The following PTPRD variants were observed in gnomAD, a reference collection of about 807,000 sequenced individuals.
PTPRD encodes receptor-type tyrosine-protein phosphatase delta.
A neutral mutation model predicts 214.5 loss-of-function variants in PTPRD; 34 were observed. The observed-to-expected ratio is 0.16, with a 90% confidence interval of 0.12 to 0.21. PTPRD has a LOEUF of 0.21. Ranked by LOEUF, PTPRD falls within the 10% of genes least tolerant of loss-of-function variation. PTPRD has a pLI of 1.00. For missense variants in PTPRD, 2,545 were observed against 2,398.7 expected (o/e 1.06, Z -1.27); for synonymous variants, 1,128 against 845.7 (o/e 1.33, Z -5.79).
chr9:10,041,066 CAT>C (rs1026223136), intron 3 of PTPRD, among the ~76,000 whole-genome samples: 2 of 151,922 alleles, frequency 1.3e-5, no homozygotes, highest in African/African-American at 4.8e-5. Flanking sequence ...AATGTAAAAA[CAT>C]AATTTTTCAT....
At chr9:8,618,434 C>G (rs73423262) in intron 14 of PTPRD, among the ~76,000 whole-genome samples, 298 of 152,082 alleles carry the variant, frequency 2.0e-3, no homozygotes, top group African/African-American at 7.0e-3. Flanking sequence ...TTCATGAAAA[C>G]ATATTGTGTA....
chr9:8,740,378 A>C (rs758090532), intron 11 of PTPRD, among the ~76,000 whole-genome samples: 7 of 152,208 alleles, frequency 4.6e-5, no homozygotes, highest in Non-Finnish European at 1.0e-4. Flanking sequence ...GCATACTTCT[A>C]AACATCCTCA....
chr9:9,841,715 T>A (rs895729477), intron 5 of PTPRD, among the ~76,000 whole-genome samples: 1 of 152,130 alleles, frequency 6.6e-6, no homozygotes, highest in Non-Finnish European at 1.5e-5. Flanking sequence ...CTGACTTTCC[T>A]GAATCTTACC....
intron 11 of PTPRD, chr9:8,858,037 T>A (rs1296228221): frequency 1.3e-5 from 2 of 154,884 alleles, no homozygotes; most frequent in East Asian, 2.0e-4. Context: ...CCGCTCCTCC[T>A]GCTCGCCCTG....
intron 3 of PTPRD, among the ~76,000 whole-genome samples, chr9:10,261,268 C>T (rs568077636): frequency 4.9e-4 from 75 of 151,632 alleles, no homozygotes; most frequent in Non-Finnish European, 8.0e-4. Context: ...TTAGAATTCA[C>T]GTGACACATG....
chr9:10,015,024 A>G (rs1177484390), intron 4 of PTPRD, among the ~76,000 whole-genome samples: 1 of 152,126 alleles, frequency 6.6e-6, no homozygotes, highest in Non-Finnish European at 1.5e-5. Flanking sequence ...TAGTTCTATT[A>G]TGGGTAATCC....
At chr9:8,669,736 G>A (rs1014910177) in intron 12 of PTPRD, among the ~76,000 whole-genome samples, 1 of 152,170 alleles carries the variant, frequency 6.6e-6, no homozygotes, top group African/African-American at 2.4e-5. Flanking sequence ...TCCAGGAAAA[G>A]TAGGCTGGAG....
intron 11 of PTPRD, among the ~76,000 whole-genome samples, chr9:8,894,642 T>G (rs180909534): frequency 6.6e-6 from 1 of 152,174 alleles, no homozygotes; most frequent in Non-Finnish European, 1.5e-5. Flanking sequence ...GTCATTAAAC[T>G]GTACACTTAG....
In PTPRD at chr9:8,362,714, CT is replaced by C. The variant is rs2078818476; in HGVS notation, c.4661+13221del. On this transcript the variant is annotated intron_variant, in intron 39 of 45. Coordinates refer to ENST00000381196, the MANE Select transcript of PTPRD (RefSeq NM_002839.4). ...CAGAGTAAACAAGCATTTAATCTATCTGATTTTATCCAGTTTTCCTCTGAGA... is the reference window on the plus strand; with the variant it reads ...CAGAGTAAACAAGCATTTAATCTATCGATTTTATCCAGTTTTCCTCTGAGA... Among the ~76,000 whole-genome samples, 3 of 152,326 alleles carry C rather than the reference CT, an allele frequency of 2.0e-5. No individual in the cohort carries two copies. In the South Asian group the frequency reaches 6.2e-4, roughly 32 times the overall value.
At chr9:9,241,157 TGA>T (rs1332582293) in intron 9 of PTPRD, among the ~76,000 whole-genome samples, 1 of 152,212 alleles carries the variant, frequency 6.6e-6, no homozygotes, top group East Asian at 1.9e-4. Flanking sequence ...ATTACTTATT[TGA>T]AATTTTGCTG....
At chr9:10,204,757 AT>A in intron 3 of PTPRD, among the ~76,000 whole-genome samples, 1 of 152,270 alleles carries the variant, frequency 6.6e-6, no homozygotes, top group East Asian at 1.9e-4. Context: ...CAAAATTAAT[AT>A]CTAATACATG....
intron 7 of PTPRD, among the ~76,000 whole-genome samples, chr9:9,603,303 A>G (rs555362835): frequency 1.3e-5 from 2 of 152,214 alleles, no homozygotes; most frequent in Admixed American, 1.3e-4. Context: ...AGTCAGACAC[A>G]TGGTCAAAAA....
chr9:8,330,413 C>CT (rs1381409679), intron 44 of PTPRD, among the ~76,000 whole-genome samples: 10 of 152,122 alleles, frequency 6.6e-5, no homozygotes, highest in African/African-American at 2.4e-4. Flanking sequence ...TTTATATGCA[C>CT]TGGGAAACCA....
At chr9:9,637,566 T>A (rs2095810721) in intron 7 of PTPRD, among the ~76,000 whole-genome samples, 1 of 152,198 alleles carries the variant, frequency 6.6e-6, no homozygotes, top group African/African-American at 2.4e-5. Context: ...TGGATGTGGT[T>A]CCCCTAATGC....
At chr9:10,072,362 G>T (rs979375702) in intron 3 of PTPRD, among the ~76,000 whole-genome samples, 1 of 152,066 alleles carries the variant, frequency 6.6e-6, no homozygotes, top group Admixed American at 6.6e-5. Context: ...GTCCAGAGTT[G>T]GTTCCTTCCA....
At chr9:9,061,102 G>T (rs2099706407) in intron 10 of PTPRD, among the ~76,000 whole-genome samples, 1 of 152,148 alleles carries the variant, frequency 6.6e-6, no homozygotes, top group African/African-American at 2.4e-5. Flanking sequence ...GGGAGTAAGG[G>T]CAGGGTTACT....
At chr9:8,923,703 C>G (rs528215546) in intron 11 of PTPRD, among the ~76,000 whole-genome samples, 1 of 152,250 alleles carries the variant, frequency 6.6e-6, no homozygotes, top group East Asian at 1.9e-4. Context: ...CTTAGGTAAA[C>G]TCTCCAAGTA....
intron 3 of PTPRD, among the ~76,000 whole-genome samples, chr9:10,089,749 T>C (rs2098406365): frequency 6.6e-6 from 1 of 151,646 alleles, no homozygotes. Flanking sequence ...ATTCAGATTG[T>C]ACTCTGGCCA....
intron 8 of PTPRD, among the ~76,000 whole-genome samples, chr9:9,446,487 G>A (rs2090448786): frequency 6.6e-6 from 1 of 152,124 alleles, no homozygotes; most frequent in African/African-American, 2.4e-5. Flanking sequence ...TTAACATTAG[G>A]AATCAATGTG....
Sources: gnomAD v4.1 joint callset for allele counts (sites outside exome capture counted in the v4.1 genomes callset) on GRCh38, gnomAD v4.1.1 for gene constraint, MANE v1.5 for transcripts, NCBI Gene and HGNC (gene_info 2026-07-23, HGNC 2026-07-21) for gene names.